Variants in PPARGC1A observed in about 807,000 individuals in gnomAD.
The protein encoded by PPARGC1A is peroxisome proliferator-activated receptor gamma coactivator 1-alpha.
In PPARGC1A, 25 loss-of-function variants were observed where a neutral mutation model predicts 88.7. The ratio of observed to expected loss-of-function variants is 0.28; its 90% CI spans 0.21 to 0.39. The LOEUF (loss-of-function observed/expected upper bound fraction) is 0.39, where lower values mean the gene tolerates loss of function less well. Ranked by LOEUF, PPARGC1A falls within the 10% of genes least tolerant of loss-of-function variation. The pLI is 1.00. For missense variants in PPARGC1A, 880 were observed against 968.7 expected, an observed-to-expected ratio of 0.91 and a Z score of 1.22; for synonymous variants, 363 against 355.6, an observed-to-expected ratio of 1.02 and a Z score of -0.24.
chr4:23,972,976 C>T, the PPARGC1A span, among the ~76,000 whole-genome samples: 239 of 152,254 alleles, frequency 1.6e-3, no homozygotes, highest in African/African-American at 5.3e-3. Flanking sequence ...CTCAGCTGCT[C>T]GTTAAGCAAA....
the PPARGC1A span, among the ~76,000 whole-genome samples, chr4:24,199,590 C>A: frequency 6.6e-6 from 1 of 152,008 alleles, no homozygotes; most frequent in Non-Finnish European, 1.5e-5. Context: ...GGTAAGATGG[C>A]TACATGACAA....
At chr4:24,290,493 A>T in the PPARGC1A span, among the ~76,000 whole-genome samples, 1 of 152,156 alleles carries the variant, frequency 6.6e-6, no homozygotes, top group Non-Finnish European at 1.5e-5. Context: ...GGAGATTATA[A>T]TATCTATCTC....
the PPARGC1A span, among the ~76,000 whole-genome samples, chr4:24,418,549 T>C: frequency 6.6e-6 from 1 of 152,142 alleles, no homozygotes; most frequent in East Asian, 1.9e-4. Context: ...TGTTAGACTC[T>C]AACAGACCTA....
chr4:24,272,903 CCAGGTA>C, the PPARGC1A span, among the ~76,000 whole-genome samples: 1 of 152,136 alleles, frequency 6.6e-6, no homozygotes, highest in Non-Finnish European at 1.5e-5. Context: ...TCATGCAGAC[CCAGGTA>C]CAGTATTCAT....
chr4:23,827,582 G>A (rs1724189590), intron 5 of PPARGC1A, among the ~76,000 whole-genome samples: 1 of 152,130 alleles, frequency 6.6e-6, no homozygotes, highest in African/African-American at 2.4e-5. Flanking sequence ...AGAAGGAGGA[G>A]CCTAAAAGAT....
At chr4:24,097,730 T>C in the PPARGC1A span, among the ~76,000 whole-genome samples, 2 of 152,208 alleles carry the variant, frequency 1.3e-5, no homozygotes. Context: ...ACTGTAGTCA[T>C]TGTATTTCAG....
chr4:24,082,630 A>C, the PPARGC1A span, among the ~76,000 whole-genome samples: 1 of 152,256 alleles, frequency 6.6e-6, no homozygotes, highest in South Asian at 2.1e-4. Context: ...ATTTTTTTTC[A>C]AAAGGAAAAC....
At chr4:23,981,060 C>T in the PPARGC1A span, among the ~76,000 whole-genome samples, 3 of 151,940 alleles carry the variant, frequency 2.0e-5, no homozygotes, top group Admixed American at 6.6e-5. Flanking sequence ...TCATTATCTA[C>T]ATCTCAAATG....
At chr4:24,093,051 C>T in the PPARGC1A span, among the ~76,000 whole-genome samples, 13 of 152,100 alleles carry the variant, frequency 8.5e-5, no homozygotes, top group South Asian at 2.1e-4. Flanking sequence ...CCTAGGTGTC[C>T]GATGCTGTGC....
chr4:24,392,480 A>G, the PPARGC1A span, among the ~76,000 whole-genome samples: 1 of 152,202 alleles, frequency 6.6e-6, no homozygotes, highest in African/African-American at 2.4e-5. Context: ...TTTTTTATAG[A>G]AAGCAGCCAG....
At chr4:24,041,912 C>CAA in the PPARGC1A span, among the ~76,000 whole-genome samples, 1 of 136,488 alleles carries the variant, frequency 7.3e-6, no homozygotes. Flanking sequence ...GGCATCCCAC[C>CAA]AAAAAAAAAA....
chr4:23,941,225 T>A, the PPARGC1A span, among the ~76,000 whole-genome samples: 1 of 152,118 alleles, frequency 6.6e-6, no homozygotes, highest in Non-Finnish European at 1.5e-5. Context: ...CAAATTTTTT[T>A]AATTTTTGTT....
At position 23,814,039 on chromosome 4, in the gene PPARGC1A, C is replaced by A; in HGVS notation, c.1444G>T (p.Gly482Cys). 1 of 1,613,832 alleles carries A rather than the reference C, an allele frequency of 6.2e-7. No individual in the cohort carries two copies. Among genetic ancestry groups the A allele is most frequent in the South Asian group, 1.1e-5 (1 of 91,068 alleles). Residue 482 changes from glycine to cysteine, a missense_variant, in exon 8 of 13, where the codon GGT (glycine) becomes TGT (cysteine). Physicochemically the swap from Gly to Cys is radical, Grantham distance 159 (BLOSUM62 -3). Coordinates refer to ENST00000264867, the MANE Select transcript of PPARGC1A (RefSeq NM_013261.5). ...AVFDDEADKT[G>C]ELRDSDFSNE... ...CTGAAATCACTGTCCCTCAGTTCAC[C>A]GGTCTTGTCTGCTTCGTCGTCAAAA... is the stretch of plus-strand genomic sequence containing the variant.
chr4:24,113,217 C>T, the PPARGC1A span, among the ~76,000 whole-genome samples: 1 of 152,098 alleles, frequency 6.6e-6, no homozygotes, highest in Non-Finnish European at 1.5e-5. Context: ...GATATGTACC[C>T]AGCAAGTGGC....
chr4:24,080,489 G>A, the PPARGC1A span, among the ~76,000 whole-genome samples: 7 of 151,930 alleles, frequency 4.6e-5, no homozygotes, highest in Admixed American at 2.6e-4. Context: ...ATTTTACCTG[G>A]TAATATCATT....
chr4:24,242,149 G>A, the PPARGC1A span, among the ~76,000 whole-genome samples: 1 of 152,120 alleles, frequency 6.6e-6, no homozygotes, highest in Non-Finnish European at 1.5e-5. Flanking sequence ...GGATGTTCCA[G>A]CCTCCAGTTT....
the PPARGC1A span, among the ~76,000 whole-genome samples, chr4:24,059,078 A>G: frequency 6.6e-6 from 1 of 152,242 alleles, no homozygotes; most frequent in South Asian, 2.1e-4. Context: ...ACCCATCAAA[A>G]GATCCCTCAA....
At chr4:23,891,969 A>G (rs1226695710), upstream of PPARGC1A, among the ~76,000 whole-genome samples, 1 of 152,216 alleles carries the variant, frequency 6.6e-6, no homozygotes, top group Non-Finnish European at 1.5e-5. Flanking sequence ...TCAACTGTGA[A>G]ATAATATTGG....
chr4:24,397,453 G>C, the PPARGC1A span, among the ~76,000 whole-genome samples: 1 of 152,144 alleles, frequency 6.6e-6, no homozygotes, highest in Non-Finnish European at 1.5e-5. Context: ...TTGTAATAAA[G>C]ATTACATTTT....
Sources: gnomAD v4.1 joint callset for allele counts (sites outside exome capture counted in the v4.1 genomes callset) on GRCh38, gnomAD v4.1.1 for gene constraint, MANE v1.5 for transcripts, NCBI Gene and HGNC (gene_info 2026-07-23, HGNC 2026-07-21) for gene names.